The following FMNL2 variants were observed in gnomAD, a reference collection of about 807,000 sequenced individuals.
FMNL2 encodes the protein formin-like protein 2.
Under a neutral mutation model 130.2 loss-of-function variants are expected in FMNL2, and 51 were observed. The ratio of observed to expected loss-of-function variants is 0.39; its 90% CI spans 0.31 to 0.49. FMNL2 has a LOEUF of 0.49. FMNL2 is among the 20% of genes least tolerant of loss of function. The pLI is 0.85. For missense variants in FMNL2, 977 were observed against 1,316.2 expected (o/e 0.74, Z 3.99); for synonymous variants, 465 against 467.1 (o/e 1.00, Z 0.06).
chr2:152,637,407 G>A (rs2105954993), intron 22 of FMNL2, among the ~76,000 whole-genome samples, 166 bp from the exon 23 acceptor site: 1 of 152,304 alleles, frequency 6.6e-6, no homozygotes, highest in African/African-American at 2.4e-5. Context: ...GGCGTTTGGA[G>A]GAAACACGGA....
At chr2:152,366,215 A>C (rs1167343700) in intron 1 of FMNL2, among the ~76,000 whole-genome samples, 2 of 148,110 alleles carry the variant, frequency 1.4e-5, no homozygotes, top group African/African-American at 5.0e-5. Context: ...TCCCCATAAG[A>C]ATGAGAACAG....
rs1230058312 is a variant in FMNL2, at chr2:152,640,715, C to T, written c.3046-76C>T. ...GAAGCTGCTTATTAGTAACATAATG[C>T]TCAGGCACATTTTGGATTTTCACAA... is the stretch of plus-strand genomic sequence containing the variant. On this transcript the variant is annotated intron_variant, in intron 24 of 25. Coordinates refer to ENST00000288670, the MANE Select transcript of FMNL2 (RefSeq NM_052905.4). 4 of 1,542,258 alleles carry T rather than the reference C, an allele frequency of 2.6e-6. No individual in the cohort carries two copies. The East Asian group carries it at 9.3e-5, about 36-fold the overall frequency.
At chr2:152,547,349 A>G (rs1045047458) in intron 3 of FMNL2, among the ~76,000 whole-genome samples, 3 of 152,102 alleles carry the variant, frequency 2.0e-5, no homozygotes, top group African/African-American at 7.2e-5. Flanking sequence ...GTATGCCACC[A>G]TTTGTTAGGC....
chr2:152,482,001 C>T (rs1235049166), intron 1 of FMNL2, among the ~76,000 whole-genome samples: 1 of 152,116 alleles, frequency 6.6e-6, no homozygotes, highest in Non-Finnish European at 1.5e-5. Context: ...AACTTTCCTC[C>T]GTCATGGAGA....
intron 1 of FMNL2, among the ~76,000 whole-genome samples, chr2:152,459,890 C>T (rs1434083262): frequency 2.0e-5 from 3 of 152,166 alleles, no homozygotes; most frequent in Non-Finnish European, 4.4e-5. Context: ...CTCTTGGAAG[C>T]TGTCACAGTG....
intron 1 of FMNL2, among the ~76,000 whole-genome samples, chr2:152,373,244 G>GT (rs1579507439): frequency 6.6e-6 from 1 of 152,188 alleles, no homozygotes; most frequent in East Asian, 1.9e-4. Context: ...TTAAGAATCA[G>GT]TTTTTTAAAA....
intron 1 of FMNL2, among the ~76,000 whole-genome samples, chr2:152,349,740 G>A (rs888690976): frequency 6.6e-6 from 1 of 152,188 alleles, no homozygotes; most frequent in Non-Finnish European, 1.5e-5. Context: ...GAGGGAAGGT[G>A]CCTTTTCTGA....
At chr2:152,637,384 T>C (rs1288228276) in intron 22 of FMNL2, among the ~76,000 whole-genome samples, 189 bp from the exon 23 acceptor site, 1 of 152,198 alleles carries the variant, frequency 6.6e-6, no homozygotes, top group East Asian at 1.9e-4. Flanking sequence ...ATTCCTCGGA[T>C]TGCCTCTGCT....
At chr2:152,556,206 T>G (rs1416173927) in intron 4 of FMNL2, among the ~76,000 whole-genome samples, 4 of 152,172 alleles carry the variant, frequency 2.6e-5, no homozygotes, top group Non-Finnish European at 4.4e-5. Flanking sequence ...ATGACTTTGC[T>G]AAGCTAACCT....
At chr2:152,525,477 G>T (rs749028925) in intron 2 of FMNL2, among the ~76,000 whole-genome samples, 4 of 152,212 alleles carry the variant, frequency 2.6e-5, no homozygotes, top group Admixed American at 6.5e-5. Context: ...CTGAGGGTGT[G>T]ATTGGTTATT....
intron 1 of FMNL2, among the ~76,000 whole-genome samples, chr2:152,449,643 G>A (rs970243897): frequency 6.6e-6 from 1 of 152,174 alleles, no homozygotes; most frequent in Admixed American, 6.5e-5. Context: ...TAGGCTAAAT[G>A]TTCCTACTTG....
At chr2:152,372,240 G>A (rs1430031169) in intron 1 of FMNL2, among the ~76,000 whole-genome samples, 1 of 152,186 alleles carries the variant, frequency 6.6e-6, no homozygotes, top group Non-Finnish European at 1.5e-5. Flanking sequence ...TGAGCACTAA[G>A]AGTACTCTGT....
intron 12 of FMNL2, among the ~76,000 whole-genome samples, chr2:152,616,050 C>T (rs1198767449): frequency 6.6e-6 from 1 of 152,152 alleles, no homozygotes; most frequent in Non-Finnish European, 1.5e-5. Flanking sequence ...GTGTTATATG[C>T]TGAACCCAAT....
intron 6 of FMNL2, among the ~76,000 whole-genome samples, chr2:152,569,100 C>A (rs570889265): frequency 6.5e-4 from 76 of 117,716 alleles, no homozygotes; most frequent in African/African-American, 2.5e-3. Context: ...AGCTTCCCCC[C>A]CCGCCCCAAT....
chr2:152,354,015 C>A (rs966908840), intron 1 of FMNL2, among the ~76,000 whole-genome samples: 2 of 136,376 alleles, frequency 1.5e-5, no homozygotes, highest in Non-Finnish European at 3.2e-5. Context: ...AGTTCTGGTC[C>A]ATGCATGCAG....
chr2:152,593,858 A>AGTGT (rs1697582954), intron 9 of FMNL2, among the ~76,000 whole-genome samples: 1 of 101,520 alleles, frequency 9.9e-6, no homozygotes, highest in African/African-American at 4.3e-5. Flanking sequence ...AGAGAGAGAG[A>AGTGT]GAGTGTGTGT....
intron 1 of FMNL2, among the ~76,000 whole-genome samples, chr2:152,414,628 G>A (rs1001547301): frequency 3.9e-5 from 6 of 152,130 alleles, no homozygotes; most frequent in South Asian, 2.1e-4. Context: ...TGAATGACCA[G>A]GTCCACCTAA....
intron 1 of FMNL2, among the ~76,000 whole-genome samples, chr2:152,362,258 C>T (rs777289922): frequency 6.6e-6 from 1 of 152,046 alleles, no homozygotes; most frequent in Admixed American, 6.5e-5. Flanking sequence ...GTAACTGAGT[C>T]TTGACATACA....
intron 6 of FMNL2, 63 bp downstream of exon 6, chr2:152,561,098 CT>C (rs1695497623): frequency 1.1e-5 from 17 of 1,487,444 alleles, no homozygotes; most frequent in Non-Finnish European, 1.4e-5. Context: ...GCTCCTACTT[CT>C]TTTGATGATT....
Sources: allele counts gnomAD v4.1 joint callset (sites outside exome capture counted in the v4.1 genomes callset), GRCh38; gene constraint gnomAD v4.1.1; transcripts MANE v1.5; gene names NCBI Gene and HGNC (gene_info 2026-07-23, HGNC 2026-07-21).